Variants in SARDH observed in about 807,000 individuals in gnomAD.
SARDH encodes the protein sarcosine dehydrogenase, mitochondrial.
In SARDH, 95 loss-of-function variants were observed where a neutral mutation model predicts 109.1. The observed-to-expected ratio is 0.87, with a 90% confidence interval of 0.74 to 1.03. The LOEUF (loss-of-function observed/expected upper bound fraction) is 1.03. SARDH is among the 50% of genes least tolerant of loss of function. SARDH has a pLI of 0.00. For missense variants in SARDH, 1,267 were observed against 1,287.8 expected (o/e 0.98, Z 0.25); for synonymous variants, 572 against 534.8 (o/e 1.07, Z -0.96).
At position 133,666,627 on chromosome 9, in the gene SARDH, C is replaced by A; in HGVS notation, c.2631+108G>T. 7.0e-7 allele frequency: 1 copy of A among 1,432,014 alleles called. No homozygotes were observed. Among genetic ancestry groups the A allele is most frequent in the Non-Finnish European group, 9.5e-7 (1 of 1,052,860 alleles). The allele number at this position is 1,432,014 out of a possible 1,614,324, so 88.7% of individuals were successfully genotyped here. Reference sequence around the variant, plus strand: ...CCCTCCTCCTCTTCTGGACCACACCCGTGCCTCCTCCCTATGCCCGGCACA... The same window carrying A: ...CCCTCCTCCTCTTCTGGACCACACCAGTGCCTCCTCCCTATGCCCGGCACA... On this transcript the variant is annotated intron_variant, in intron 20 of 20. Coordinates refer to ENST00000439388, the MANE Select transcript of SARDH (RefSeq NM_001134707.2). The surrounding 1 kb of genome is among the most constrained non-coding windows in gnomAD (Gnocchi z 5.2).
chr9:133,662,068 C>T (rs1367184888), downstream of SARDH, among the ~76,000 whole-genome samples: 6 of 151,902 alleles, frequency 3.9e-5, no homozygotes, highest in African/African-American at 7.3e-5. This position sits in a 1 kb window ranked among gnomAD's most constrained non-coding sequence, Gnocchi z 5.1. Context: ...GTGGAGGCTG[C>T]GCTCACATCA....
At chr9:133,711,972 G>A (rs511293) in intron 10 of SARDH, among the ~76,000 whole-genome samples, 30,652 of 152,184 alleles carry the variant, frequency 0.2, 3,289 homozygotes, top group Middle Eastern at 0.25. Context: ...GCAAGAGATG[G>A]CCCTGACTGG....
rs532940571 is a variant in SARDH at position 133,730,379 on chromosome 9, C to T, written c.691-192G>A. ...AAAACTAGACCCACCCATGCCTTGA[C>T]TTGGAGAACTTGAAAGTTGGGCAAG... is the stretch of plus-strand genomic sequence containing the variant. On this transcript the variant is annotated intron_variant, in intron 4 of 20. Coordinates refer to ENST00000439388, the MANE Select transcript of SARDH (RefSeq NM_001134707.2). Among the ~76,000 whole-genome samples, 7 of 152,012 alleles carry T rather than the reference C, an allele frequency of 4.6e-5. No individual in the cohort carries two copies. The South Asian group carries it at 1.5e-3, about 32-fold the overall frequency.
At chr9:133,677,045 A>T (rs1321479531) in intron 17 of SARDH, among the ~76,000 whole-genome samples, 1 of 152,062 alleles carries the variant, frequency 6.6e-6, no homozygotes, top group African/African-American at 2.4e-5. Flanking sequence ...AGGCTGAGGC[A>T]GGAGAATTGG....
At chr9:133,677,088 A>G (rs1426470624) in intron 17 of SARDH, among the ~76,000 whole-genome samples, 30 of 152,082 alleles carry the variant, frequency 2.0e-4, no homozygotes, top group Non-Finnish European at 3.8e-4. Context: ...GTAGCGAGCC[A>G]AGGTCGCCCC....
Position 133,689,810 on chromosome 9 carries a change from G to A in SARDH, c.2069+570C>T, listed in dbSNP as rs548775443. On this transcript the variant is annotated intron_variant, in intron 16 of 20. Transcript: ENST00000439388. The stretch of plus-strand genomic sequence containing the variant: ...TTCCAAGGTGCACACCTGCTCAGCC[G>A]TCCTTTTGCCCAAGACTCTTCTGTG... 1.1e-4 allele frequency among the ~76,000 whole-genome samples: 16 copies of A among 152,120 alleles called. 1 individual carries two copies. The highest frequency in any genetic ancestry group is 3.9e-4 in the Admixed American group (6 of 15,264).
intron 18 of SARDH, 75 bp from the exon 19 acceptor site, chr9:133,670,827 G>A: frequency 2.1e-6 from 3 of 1,456,424 alleles, no homozygotes; most frequent in South Asian, 1.4e-5. Context: ...TGAGGATGCT[G>A]CCTAAACCCA....
At chr9:133,661,646 T>C (rs928393883), downstream of SARDH, among the ~76,000 whole-genome samples, 2 of 151,880 alleles carry the variant, frequency 1.3e-5, no homozygotes, top group Admixed American at 1.3e-4. Context: ...CACGCCCAGC[T>C]AATTTTGTGT....
Position 133,693,456 on chromosome 9 carries a change from A to G in SARDH, c.1921+802T>C, listed in dbSNP as rs1480137672. 6.6e-6 allele frequency among the ~76,000 whole-genome samples: 1 copy of G among 152,204 alleles called. No individual in the cohort carries two copies. The highest frequency in any genetic ancestry group is 1.5e-5 in the Non-Finnish European group (1 of 68,038). On this transcript the variant is annotated intron_variant, in intron 15 of 20. Coordinates refer to ENST00000439388, the MANE Select transcript of SARDH (RefSeq NM_001134707.2). This position sits in a 1 kb window ranked among gnomAD's most constrained non-coding sequence, Gnocchi z 5.6. ...GATGCCAGGTTTTCTGAATGGGCTG[A>G]GCCCTCCCCGCTGACTGTGCCCCTG... is the stretch of plus-strand genomic sequence containing the variant.
At chr9:133,685,069 G>A in intron 17 of SARDH, 124 bp downstream of exon 17, 1 of 739,914 alleles carries the variant, frequency 1.4e-6, no homozygotes, top group Non-Finnish European at 2.2e-6. Context: ...CTTCACAGTT[G>A]GGGACCGAGG....
chr9:133,706,448 GGGA>G (rs1369710729), intron 11 of SARDH, among the ~76,000 whole-genome samples: 1 of 152,194 alleles, frequency 6.6e-6, no homozygotes, highest in African/African-American at 2.4e-5. Context: ...CAAGGCTGGT[GGGA>G]GGAGATGAGG....
At chr9:133,681,986 G>A (rs1318419349) in intron 17 of SARDH, among the ~76,000 whole-genome samples, 3 of 152,092 alleles carry the variant, frequency 2.0e-5, no homozygotes, top group African/African-American at 7.2e-5. Context: ...TGAGACCTAG[G>A]GTAGCACTGG....
At chr9:133,717,533 T>C in intron 7 of SARDH, 78 bp from the exon 8 acceptor site, 6 of 1,577,570 alleles carry the variant, frequency 3.8e-6, no homozygotes, top group Admixed American at 1.8e-5. Flanking sequence ...TGCCTTGTGA[T>C]GGCTGCCAGG....
intron 4 of SARDH, among the ~76,000 whole-genome samples, chr9:133,730,470 TAAA>T (rs71503358): frequency 0.26 from 38,062 of 147,044 alleles, 5,115 homozygotes; most frequent in East Asian, 0.31. Flanking sequence ...GACTTTTTTT[TAAA>T]AAAAAAAAGC....
At position 133,734,040 on chromosome 9, in the gene SARDH, G is replaced by T. The variant is rs765647986; in HGVS notation, c.134C>A (p.Thr45Asn). ...TAEKSVPYQR[T>N]LKEGQGTSVV... ...CGAGGTGCCCTGTCCCTCCTTCAGG[G>T]TCCGCTGATATGGCACACTCTTCTC... Residue 45 changes from threonine to asparagine, a missense_variant, in exon 2 of 21, where the codon ACC (threonine) becomes AAC (asparagine). Thr to Asn is a moderately conservative substitution (Grantham distance 65). Coordinates refer to ENST00000439388, the MANE Select transcript of SARDH (RefSeq NM_001134707.2). The T allele has an allele frequency of 5.0e-6, 8 of 1,613,250 alleles. No homozygotes were observed. The highest frequency in any genetic ancestry group is 5.9e-6 in the Non-Finnish European group (7 of 1,179,970).
chr9:133,670,625 G>A lies in SARDH; in HGVS notation c.2454C>T (p.Ala818=), dbSNP rs145913342. The A allele has an allele frequency of 2.8e-3, 4,426 of 1,580,662 alleles. 64 individuals are homozygous for A. The African/African-American group carries it at 0.04, about 14-fold the overall frequency. ...ACACCAGGCGCCGGCGGAGGCCTGC[G>A]GCCCGCTGCTGCTCCAGGGCCTCCC... ...LGREALEQQR[A]AGLRRRLVCF... The change falls in exon 19 of 21, where the codon GCC becomes GCT. Residue 818 remains alanine, a synonymous_variant. Coordinates refer to ENST00000439388, the MANE Select transcript of SARDH (RefSeq NM_001134707.2).
chr9:133,732,652 C>A (rs1476068822), intron 2 of SARDH, 51 bp from the exon 3 acceptor site: 1 of 1,537,736 alleles, frequency 6.5e-7, no homozygotes, highest in African/African-American at 1.4e-5. Context: ...ACTGCACCTC[C>A]TTCCCCCAGA....
downstream of SARDH, among the ~76,000 whole-genome samples, chr9:133,660,480 G>A (rs1488279890): frequency 6.6e-6 from 1 of 152,210 alleles, no homozygotes; most frequent in Non-Finnish European, 1.5e-5. Context: ...AGGCTTAGGG[G>A]AAGTGCTTTG....
downstream of SARDH, among the ~76,000 whole-genome samples, chr9:133,659,503 C>A (rs1832383375): frequency 6.6e-6 from 1 of 152,212 alleles, no homozygotes. Flanking sequence ...AGCTGCCTCT[C>A]AGGGACAAGT....
Sources: gnomAD v4.1 joint callset for allele counts (sites outside exome capture counted in the v4.1 genomes callset) on GRCh38, gnomAD v4.1.1 for gene constraint, Gnocchi (gnomAD v3.1) non-coding constraint, MANE v1.5 for transcripts, NCBI Gene and HGNC (gene_info 2026-07-23, HGNC 2026-07-21) for gene names.